Variants in TEX2 observed in about 807,000 individuals in gnomAD.
TEX2 encodes the protein testis expressed 2.
TEX2 carries 53 observed loss-of-function variants against 106.9 expected under a neutral mutation model. That is an observed-to-expected ratio of 0.50 (90% CI 0.40 to 0.62). TEX2 has a LOEUF of 0.62. Among genes scored for constraint, TEX2 ranks in the 20% least tolerant of loss-of-function variants. The probability of loss-of-function intolerance (pLI) is 0.00; values close to 1 mark genes in which losing one functional copy is unlikely to be tolerated. For synonymous variants in TEX2, 523 were observed against 534.8 expected (o/e 0.98, Z 0.30); for missense variants, 1,207 against 1,379.0 (o/e 0.88, Z 1.98).
intron 1 of TEX2, among the ~76,000 whole-genome samples, chr17:64,230,172 A>T (rs1353629834): frequency 6.6e-6 from 1 of 152,082 alleles, no homozygotes; most frequent in African/African-American, 2.4e-5. Flanking sequence ...TGTGTAGGGG[A>T]AAGAGTGGGA....
rs189922572 is a variant in TEX2, at chr17:64,180,410, T to G, written c.2425-2939A>C. Among the ~76,000 whole-genome samples, 684 of 152,340 alleles carry G rather than the reference T, an allele frequency of 4.5e-3. 5 individuals are homozygous for G. Among genetic ancestry groups the G allele is most frequent in the Admixed American group, 7.2e-3 (110 of 15,304 alleles). The stretch of plus-strand genomic sequence containing the variant: ...TTTCTGAAATAACCGACAAGCAGGT[T>G]GTTTTTTCAACAGTTCCTTTTTCCA... On this transcript the variant is annotated intron_variant, in intron 5 of 11. Coordinates refer to ENST00000584379, the MANE Select transcript of TEX2 (RefSeq NM_001288732.2).
In TEX2 at chr17:64,149,065, A is replaced by G. The variant is rs1234336252; in HGVS notation, c.3288T>C (p.Asp1096=). ...AGTGCATTATAGTGATATAAACATC[A>G]TCCATGTTTGGCATGACAAAAACTT... ...FQKVFVMPNM[D]DVYITIMHSA... The change falls in exon 12 of 12, where the codon GAT becomes GAC. Residue 1096 remains aspartate (D), a synonymous_variant. Transcript: ENST00000584379. 6 of 1,613,868 alleles carry G rather than the reference A, an allele frequency of 3.7e-6. No homozygotes were observed. Among genetic ancestry groups the G allele is most frequent in the African/African-American group, 2.7e-5 (2 of 74,932 alleles).
Position 64,198,535 on chromosome 17 carries a change from T to C in TEX2, c.1645-3440A>G, listed in dbSNP as rs77213401. Among the ~76,000 whole-genome samples the C allele has an allele frequency of 6.8e-3, 932 of 136,510 alleles. 9 individuals carry two copies. The highest frequency in any genetic ancestry group is 0.023 in the African/African-American group (892 of 39,256). The allele number at this position is 136,510 out of a possible 152,430, so 89.6% of individuals were successfully genotyped here. A position where few individuals can be genotyped will look rare whatever the true frequency, so the allele number is the denominator to read the frequency against. On this transcript the variant is annotated intron_variant, in intron 2 of 11. Transcript: ENST00000584379. ...GTGTCATTTATGAGCCATTTGGCCA[T>C]ACAGTCCCTGCATGCAATTGCTCTT...
chr17:64,243,998 G>C (rs1329708697), intron 1 of TEX2, among the ~76,000 whole-genome samples: 2 of 151,848 alleles, frequency 1.3e-5, no homozygotes, highest in African/African-American at 2.4e-5. Flanking sequence ...CAGTAGAGAC[G>C]GGGTTTCACT....
intron 1 of TEX2, among the ~76,000 whole-genome samples, chr17:64,229,978 C>A (rs1349310808): frequency 6.6e-6 from 1 of 152,186 alleles, no homozygotes; most frequent in African/African-American, 2.4e-5. Flanking sequence ...CCTTTTCACA[C>A]AGGCATCAGC....
chr17:64,204,627 T>A (rs1211043438), intron 2 of TEX2, among the ~76,000 whole-genome samples: 1 of 152,222 alleles, frequency 6.6e-6, no homozygotes, highest in Non-Finnish European at 1.5e-5. Context: ...ATGAAAACAG[T>A]GAGTCAACAA....
chr17:64,163,851 G>A (rs1880591), intron 7 of TEX2, among the ~76,000 whole-genome samples: 82,751 of 152,052 alleles, frequency 0.54, 23,846 homozygotes, highest in East Asian at 0.82. Flanking sequence ...AGAGGAATGC[G>A]GTTACAGGGC....
At chr17:64,216,728 A>C (rs2033199370) in intron 1 of TEX2, among the ~76,000 whole-genome samples, 1 of 152,180 alleles carries the variant, frequency 6.6e-6, no homozygotes, top group African/African-American at 2.4e-5. Flanking sequence ...CCTGCTCAGG[A>C]AGCAGAGTTA....
chr17:64,165,769 C>A (rs752549034), intron 7 of TEX2, among the ~76,000 whole-genome samples: 3 of 152,182 alleles, frequency 2.0e-5, no homozygotes, highest in Non-Finnish European at 4.4e-5. Flanking sequence ...AGGCACCAGG[C>A]ACGTGGGTTA....
intron 10 of TEX2, 129 bp from the exon 11 acceptor site, chr17:64,151,090 C>T: frequency 1.8e-6 from 2 of 1,119,712 alleles, no homozygotes; most frequent in Non-Finnish European, 2.5e-6. Flanking sequence ...CTGAAAATGC[C>T]CTCTAAAAAT....
chr17:64,178,559 G>A (rs948683754), intron 5 of TEX2, among the ~76,000 whole-genome samples: 3 of 152,164 alleles, frequency 2.0e-5, no homozygotes, highest in South Asian at 2.1e-4. Context: ...TGTGTGTGGC[G>A]GTGGGGGTGG....
chr17:64,191,840 AAAAG>A (rs1285030291), intron 4 of TEX2, among the ~76,000 whole-genome samples: 2 of 32,420 alleles, frequency 6.2e-5, no homozygotes, highest in Non-Finnish European at 1.9e-4. Context: ...AAAAAAAAAA[AAAAG>A]AAAGAAAGAA....
chr17:64,191,564 C>A (rs2032296221), intron 4 of TEX2, among the ~76,000 whole-genome samples: 1 of 152,070 alleles, frequency 6.6e-6, no homozygotes, highest in Non-Finnish European at 1.5e-5. Context: ...CGCCTGTAAT[C>A]CCAGCACTTT....
chr17:64,249,591 G>A (rs558471046), intron 1 of TEX2, among the ~76,000 whole-genome samples: 1 of 152,226 alleles, frequency 6.6e-6, no homozygotes, highest in South Asian at 2.1e-4. Flanking sequence ...AAATCATACA[G>A]ACTTCTGGAA....
intron 2 of TEX2, among the ~76,000 whole-genome samples, chr17:64,201,756 C>T (rs1297053570): frequency 6.6e-6 from 1 of 152,206 alleles, no homozygotes; most frequent in Non-Finnish European, 1.5e-5. Context: ...CTGGTACTCT[C>T]CCATCACTGT....
chr17:64,197,094 C>T (rs2032499068), intron 2 of TEX2, among the ~76,000 whole-genome samples: 1 of 131,836 alleles, frequency 7.6e-6, no homozygotes, highest in South Asian at 2.4e-4. Context: ...CTATAGTTTT[C>T]TTGCAGTGTT....
chr17:64,196,720 C>T (rs1216976811), intron 2 of TEX2, among the ~76,000 whole-genome samples: 1 of 152,170 alleles, frequency 6.6e-6, no homozygotes, highest in African/African-American at 2.4e-5. Flanking sequence ...CTTTCTTTGG[C>T]TCACAGTTTT....
At chr17:64,159,762 A>G (rs1443323338) in intron 8 of TEX2, among the ~76,000 whole-genome samples, 1 of 152,240 alleles carries the variant, frequency 6.6e-6, no homozygotes, top group Non-Finnish European at 1.5e-5. Context: ...AAATGAAAGG[A>G]AAATAGCACA....
intron 2 of TEX2, among the ~76,000 whole-genome samples, chr17:64,206,153 C>T (rs184454591): frequency 2.1e-4 from 32 of 152,282 alleles, no homozygotes; most frequent in Non-Finnish European, 4.1e-4. Context: ...CCATTTTCCC[C>T]GTGCCCAAAC....
Sources: gnomAD v4.1 joint callset for allele counts (sites outside exome capture counted in the v4.1 genomes callset) on GRCh38, gnomAD v4.1.1 for gene constraint, MANE v1.5 for transcripts, NCBI Gene and HGNC (gene_info 2026-07-23, HGNC 2026-07-21) for gene names.